Variants in ENSA observed in about 807,000 individuals in gnomAD.
ENSA encodes the protein endosulfine alpha, also known as alpha-endosulfine.
ENSA carries 7 observed loss-of-function variants against 16.8 expected under a neutral mutation model. The observed-to-expected ratio is 0.42, with a 90% CI of 0.24 to 0.78. The LOEUF (loss-of-function observed/expected upper bound fraction) is 0.78. Ranked by LOEUF, ENSA falls within the 30% of genes least tolerant of loss-of-function variation. The pLI, the probability that ENSA is intolerant of heterozygous loss-of-function variation, is 0.29. For synonymous variants in ENSA, 58 were observed against 53.4 expected, an observed-to-expected ratio of 1.09 and a Z score of -0.37; for missense variants, 87 against 142.3, an observed-to-expected ratio of 0.61 and a Z score of 1.98.
intron 2 of ENSA, among the ~76,000 whole-genome samples, chr1:150,626,119 ATT>A (rs1278443586): frequency 7.9e-5 from 12 of 152,190 alleles, no homozygotes; most frequent in Non-Finnish European, 1.8e-4. Flanking sequence ...AAAATCACTT[ATT>A]CATAAAGGGT....
intron 3 of ENSA, chr1:150,624,912 G>C (rs1217491220): frequency 1.0e-6 from 1 of 971,642 alleles, no homozygotes; most frequent in Non-Finnish European, 1.2e-6. Context: ...CTGGGACTGA[G>C]TAGAGTGAGA....
Position 150,622,879 on chromosome 1 carries a change from A to AG in ENSA, c.351-21_351-20insC. 1.3e-6 allele frequency: 1 copy of AG among 757,362 alleles called. No individual in the cohort carries two copies. Among genetic ancestry groups the AG allele is most frequent in the Admixed American group, 3.4e-5 (1 of 29,584 alleles). The allele number at this position is 757,362 out of a possible 1,614,324, so 46.9% of individuals were successfully genotyped here. On this transcript the variant is annotated intron_variant, in intron 3 of 3. Coordinates refer to ENST00000369014, the MANE Select transcript of ENSA (RefSeq NM_004436.4). ...TGGCCACTGCGGACGAACACAGAAGAAAAAAAAAAAAAACAACACTGTCAA... is the reference window on the plus strand; with the variant it reads ...TGGCCACTGCGGACGAACACAGAAGAGAAAAAAAAAAAAACAACACTGTCAA...
chr1:150,622,878 G>GAAAA lies in ENSA; in HGVS notation c.351-23_351-20dup, dbSNP rs76738351. ...TTGGCCACTGCGGACGAACACAGAAGAAAAAAAAAAAAAACAACACTGTCA... is the reference window on the plus strand; with the variant it reads ...TTGGCCACTGCGGACGAACACAGAAGAAAAAAAAAAAAAAAAAACAACACTGTCA... On this transcript the variant is annotated intron_variant, in intron 3 of 3. Coordinates refer to ENST00000369014, the MANE Select transcript of ENSA (RefSeq NM_004436.4). The GAAAA allele has an allele frequency of 1.7e-5, 21 of 1,242,032 alleles. No homozygotes were observed. Among genetic ancestry groups the GAAAA allele is most frequent in the Admixed American group, 8.7e-5 (3 of 34,546 alleles). The allele number at this position is 1,242,032 out of a possible 1,614,324, so 76.9% of individuals were successfully genotyped here.
intron 2 of ENSA, among the ~76,000 whole-genome samples, 179 bp from the exon 3 acceptor site, chr1:150,625,987 C>T (rs1649280702): frequency 6.6e-6 from 1 of 152,182 alleles, no homozygotes; most frequent in Non-Finnish European, 1.5e-5. Flanking sequence ...TATGTCTTCT[C>T]CCCAGTGTGT....
rs1434241750 is a variant in ENSA at position 150,626,503 on chromosome 1, A to G, written c.184-695T>C. Reference sequence around the variant, plus strand: ...CCATTTCATCCGCACAGAGAAGCACACTCCAATGTAATGATTTATAATCCT... The same window carrying G: ...CCATTTCATCCGCACAGAGAAGCACGCTCCAATGTAATGATTTATAATCCT... On this transcript the variant is annotated intron_variant, in intron 2 of 3. Coordinates refer to ENST00000369014, the MANE Select transcript of ENSA (RefSeq NM_004436.4). 3.1e-6 allele frequency: 5 copies of G among 1,613,746 alleles called. No homozygotes were observed. The South Asian group carries it at 5.5e-5, about 18-fold the overall frequency.
intron 1 of ENSA, 56 bp downstream of exon 1, chr1:150,629,358 T>G: frequency 6.3e-7 from 1 of 1,593,016 alleles, no homozygotes; most frequent in Non-Finnish European, 8.6e-7. Context: ...TGGGAGACCG[T>G]CTCCCGCCCC....
At chr1:150,626,746 C>T (rs1429631478) in intron 2 of ENSA, among the ~76,000 whole-genome samples, 6 of 152,240 alleles carry the variant, frequency 3.9e-5, no homozygotes, top group Admixed American at 6.5e-5. Flanking sequence ...TTAATAGAGA[C>T]GGGGTTTCAC....
At chr1:150,624,473 C>T in intron 3 of ENSA, 1 of 985,924 alleles carries the variant, frequency 1.0e-6, no homozygotes, top group African/African-American at 1.7e-5. Context: ...CTCAGGCCTG[C>T]AGCTCCGCTG....
At chr1:150,627,277 A>G in intron 2 of ENSA, 190 bp downstream of exon 2, 1 of 1,547,036 alleles carries the variant, frequency 6.5e-7, no homozygotes, top group South Asian at 1.3e-5. Context: ...TACATGGGAA[A>G]TCAGGAGGGA....
rs1422426928 is a variant in ENSA at position 150,625,588 on chromosome 1, AAT to A, written c.350+52_350+53del. ...AGGTGCCCATTTCATCCCTGCCTAT[AAT>A]ATATAAACGTCCAGTGGTTGAGGAA... On this transcript the variant is annotated intron_variant, in intron 3 of 3. Coordinates refer to ENST00000369014, the MANE Select transcript of ENSA (RefSeq NM_004436.4). 8.0e-6 allele frequency: 12 copies of A among 1,506,440 alleles called. No individual in the cohort carries two copies. The African/African-American group carries it at 1.7e-4, about 21-fold the overall frequency. The allele number at this position is 1,506,440 out of a possible 1,614,324, so 93.3% of individuals were successfully genotyped here.
chr1:150,626,502 C>G (rs1649323253), intron 2 of ENSA: 1 of 1,613,784 alleles, frequency 6.2e-7, no homozygotes, highest in African/African-American at 1.3e-5. Context: ...CAGAGAAGCA[C>G]ACTCCAATGT....
downstream of ENSA, chr1:150,621,501 T>G (rs1648994331): frequency 6.6e-6 from 1 of 152,274 alleles, no homozygotes; most frequent in South Asian, 2.1e-4. Context: ...CTCAAACTCC[T>G]GACCTCAAGT....
intron 2 of ENSA, among the ~76,000 whole-genome samples, chr1:150,626,823 C>T (rs1001906593): frequency 1.3e-5 from 2 of 152,112 alleles, no homozygotes; most frequent in Non-Finnish European, 2.9e-5. Context: ...GGATTACAGG[C>T]GTGAGCCACT....
At chr1:150,629,080 A>T (rs1342875337) in intron 1 of ENSA, 3 of 1,613,862 alleles carry the variant, frequency 1.9e-6, no homozygotes, top group Non-Finnish European at 2.5e-6. Flanking sequence ...CCAATAACAC[A>T]CATCACACCC....
intron 1 of ENSA, among the ~76,000 whole-genome samples, chr1:150,628,836 C>T (rs1649533717): frequency 6.6e-6 from 1 of 152,170 alleles, no homozygotes; most frequent in African/African-American, 2.4e-5. Flanking sequence ...CTGTTTGGAA[C>T]TCTAGCCCTC....
chr1:150,627,444 G>C, intron 2 of ENSA, 23 bp downstream of exon 2: 3 of 1,614,190 alleles, frequency 1.9e-6, no homozygotes, highest in Non-Finnish European at 2.5e-6. Flanking sequence ...CAAAGAAAGA[G>C]GGTAAGAGAC....
At chr1:150,627,072 T>C in intron 2 of ENSA, 1 of 1,312,950 alleles carries the variant, frequency 7.6e-7, no homozygotes, top group Non-Finnish European at 9.7e-7. Context: ...GATTTATTTC[T>C]GTAGGAGAGA....
At chr1:150,625,103 G>A in intron 3 of ENSA, 3 of 985,414 alleles carry the variant, frequency 3.0e-6, no homozygotes, top group Non-Finnish European at 3.6e-6. Flanking sequence ...GGCTAAGGGG[G>A]CACTGTAGTT....
chr1:150,623,280 C>T, intron 3 of ENSA: 4 of 1,006,090 alleles, frequency 4.0e-6, no homozygotes, highest in Non-Finnish European at 4.7e-6. Flanking sequence ...CACACACATG[C>T]TGTTCTGAAT....
Sources: allele counts gnomAD v4.1 joint callset (sites outside exome capture counted in the v4.1 genomes callset), GRCh38; gene constraint gnomAD v4.1.1; transcripts MANE v1.5; gene names NCBI Gene and HGNC (gene_info 2026-07-23, HGNC 2026-07-21).